Variants in GPR37 observed in about 807,000 individuals in gnomAD.
GPR37 encodes prosaposin receptor GPR37.
Under a neutral mutation model 43.6 loss-of-function variants are expected in GPR37, and 20 were observed. The observed-to-expected ratio is 0.46, with a 90% CI of 0.32 to 0.67. GPR37 has a LOEUF of 0.67. Among genes scored for constraint, GPR37 ranks in the 30% least tolerant of loss-of-function variants. The pLI, the probability that GPR37 is intolerant of heterozygous loss-of-function variation, is 0.03. For missense variants in GPR37, 724 were observed against 797.2 expected, an observed-to-expected ratio of 0.91 and a Z score of 1.11; for synonymous variants, 315 against 322.6, an observed-to-expected ratio of 0.98 and a Z score of 0.25.
At chr7:124,750,478 T>C (rs569818881) in intron 1 of GPR37, among the ~76,000 whole-genome samples, 27 of 152,254 alleles carry the variant, frequency 1.8e-4, no homozygotes, top group African/African-American at 5.8e-4. Flanking sequence ...GGAGAGGCAA[T>C]CTTTTAGAGG....
At chr7:124,756,406 A>G (rs1366682893) in intron 1 of GPR37, among the ~76,000 whole-genome samples, 1 of 152,154 alleles carries the variant, frequency 6.6e-6, no homozygotes, top group Non-Finnish European at 1.5e-5. Flanking sequence ...TCACAAATGG[A>G]AAGTATTCTG....
At chr7:124,756,325 C>G (rs1793790034) in intron 1 of GPR37, among the ~76,000 whole-genome samples, 1 of 152,108 alleles carries the variant, frequency 6.6e-6, no homozygotes. Flanking sequence ...AATCAATGAC[C>G]TTGGCCTCAT....
chr7:124,761,202 C>G (rs1793847388), intron 1 of GPR37, among the ~76,000 whole-genome samples: 1 of 150,842 alleles, frequency 6.6e-6, no homozygotes, highest in Admixed American at 6.6e-5. Context: ...CTGTGGTTTT[C>G]CACCCAGACA....
intron 1 of GPR37, among the ~76,000 whole-genome samples, chr7:124,755,531 T>G (rs1201591172): frequency 6.7e-6 from 1 of 149,238 alleles, no homozygotes; most frequent in East Asian, 1.9e-4. Flanking sequence ...TTGTTACCAA[T>G]TATGATGTCT....
Position 124,744,317 on chromosome 7 carries a change from A to C in GPR37, c.*2208T>G, listed in dbSNP as rs1391040402. On this transcript the variant is annotated 3_prime_UTR_variant, in exon 2 of 2. Coordinates refer to ENST00000303921, the MANE Select transcript of GPR37 (RefSeq NM_005302.5). ...TCAAAAACCTTAAAAGCAAAGCCCC[A>C]TTTCCTGAAGCACCACCATGTAAAC... is the stretch of plus-strand genomic sequence containing the variant. 2 of 152,106 alleles carry C rather than the reference A, an allele frequency of 1.3e-5. No homozygotes were observed. Among genetic ancestry groups the C allele is most frequent in the Non-Finnish European group, 2.9e-5 (2 of 68,030 alleles). The allele number at this position is 152,106 out of a possible 1,614,324, so 9.4% of individuals were successfully genotyped here.
In GPR37 at chr7:124,746,596, G is replaced by A; in HGVS notation, c.1771C>T (p.Leu591Phe). The A allele has an allele frequency of 6.2e-7, 1 of 1,613,900 alleles. No individual in the cohort carries two copies. Among genetic ancestry groups the A allele is most frequent in the African/African-American group, 1.3e-5 (1 of 75,028 alleles). ...DDNDNEYTTE[L>F]ELSPFSTIRR... ...ATGGTACTGAAAGGCGAGAGTTCGA[G>A]TTCCGTGGTGTACTCGTTGTCATTG... is the stretch of plus-strand genomic sequence containing the variant. Residue 591 changes from leucine to phenylalanine, a missense_variant, in exon 2 of 2, where the codon CTC (leucine) becomes TTC (phenylalanine). By Grantham distance (22) the Leu-to-Phe change is conservative. Coordinates refer to ENST00000303921, the MANE Select transcript of GPR37 (RefSeq NM_005302.5).
In GPR37 at chr7:124,764,266, C is replaced by T. The variant is rs765530933; in HGVS notation, c.711G>A (p.Arg237=). The part of the protein sequence containing the change: ...EGIHEPGGPR[R]GNSTNRRVRL... ...TCACACGCCGGTTCGTGCTGTTTCCCCGGCGGGGACCCCCAGGCTCATGGA... is the reference window on the plus strand; with the variant it reads ...TCACACGCCGGTTCGTGCTGTTTCCTCGGCGGGGACCCCCAGGCTCATGGA... The change falls in exon 1 of 2, where the codon CGG becomes CGA. Residue 237 remains arginine (R), a synonymous_variant. Coordinates refer to ENST00000303921, the MANE Select transcript of GPR37 (RefSeq NM_005302.5). The surrounding 1 kb of genome is among the most constrained non-coding windows in gnomAD (Gnocchi z 5.4). The T allele has an allele frequency of 2.0e-5, 32 of 1,598,442 alleles. No homozygotes were observed. In the South Asian group the frequency reaches 3.5e-4, roughly 18 times the overall value.
intron 1 of GPR37, among the ~76,000 whole-genome samples, chr7:124,749,560 G>C (rs575492762): frequency 1.4e-4 from 22 of 152,066 alleles, no homozygotes; most frequent in Non-Finnish European, 2.4e-4. Flanking sequence ...ACTCTCCCCA[G>C]AGCTACGGCA....
Position 124,755,013 on chromosome 7 carries a change from C to T in GPR37, c.1024-7670G>A, listed in dbSNP as rs565570507. 3.6e-3 allele frequency among the ~76,000 whole-genome samples: 477 copies of T among 132,028 alleles called. 2 individuals are homozygous for T. Among genetic ancestry groups the T allele is most frequent in the African/African-American group, 0.012 (450 of 38,652 alleles). The allele number at this position is 132,028 out of a possible 152,430, so 86.6% of individuals were successfully genotyped here. Reference sequence around the variant, plus strand: ...CTGCTCTGAATAAGATGACCTTTTGCAAAAGGTCTTAATTTTGGAGTGTAT... The same window carrying T: ...CTGCTCTGAATAAGATGACCTTTTGTAAAAGGTCTTAATTTTGGAGTGTAT... On this transcript the variant is annotated intron_variant, in intron 1 of 1. Coordinates refer to ENST00000303921, the MANE Select transcript of GPR37 (RefSeq NM_005302.5).
rs977001631 is a variant in GPR37, at chr7:124,746,450, G to A, written c.*75C>T. On this transcript the variant is annotated 3_prime_UTR_variant, in exon 2 of 2. Transcript: ENST00000303921. ...TCTTTTTTGCATTTTTCCCTATAAGGAAAAATATGAATTAAAAACTTTCAC... is the reference window on the plus strand; with the variant it reads ...TCTTTTTTGCATTTTTCCCTATAAGAAAAAATATGAATTAAAAACTTTCAC... 8.9e-7 allele frequency: 1 copy of A among 1,129,606 alleles called. No homozygotes were observed. The highest frequency in any genetic ancestry group is 1.6e-5 in the African/African-American group (1 of 63,980). 70.0% of individuals were successfully genotyped at this position (1,129,606 alleles called of 1,614,324 possible).
intron 1 of GPR37, among the ~76,000 whole-genome samples, chr7:124,759,933 A>G (rs1793833337): frequency 6.6e-6 from 1 of 152,152 alleles, no homozygotes; most frequent in South Asian, 2.1e-4. Context: ...TCTTCCCCAA[A>G]ATCCCACGAT....
chr7:124,759,042 A>G (rs1158281866), intron 1 of GPR37, among the ~76,000 whole-genome samples: 1 of 151,482 alleles, frequency 6.6e-6, no homozygotes, highest in African/African-American at 2.4e-5. Context: ...TCCAGTTGCC[A>G]TATTTGATGT....
chr7:124,764,428 T>C lies in GPR37; in HGVS notation c.549A>G (p.Pro183=). 6.2e-7 allele frequency: 1 copy of C among 1,613,660 alleles called. No homozygotes were observed. The highest frequency in any genetic ancestry group is 8.5e-7 in the Non-Finnish European group (1 of 1,180,028). Residue 183 remains proline (P), a synonymous_variant, in exon 1 of 2, where the codon CCA becomes CCG. Transcript: ENST00000303921. This position sits in a 1 kb window ranked among gnomAD's most constrained non-coding sequence, Gnocchi z 5.4. The part of the protein sequence containing the change: ...VPGASDLFYW[P]RRAGKLQGSH... ...AACCCTGGAGTTTCCCGGCTCTCCT[T>C]GGCCAGTAAAAAAGATCGCTGGCTC...
Position 124,746,445 on chromosome 7 carries a change from A to G in GPR37, c.*80T>C, listed in dbSNP as rs1203071083. On this transcript the variant is annotated 3_prime_UTR_variant, in exon 2 of 2. Coordinates refer to ENST00000303921, the MANE Select transcript of GPR37 (RefSeq NM_005302.5). ...TTGTTTCTTTTTTGCATTTTTCCCTATAAGGAAAAATATGAATTAAAAACT... is the reference window on the plus strand; with the variant it reads ...TTGTTTCTTTTTTGCATTTTTCCCTGTAAGGAAAAATATGAATTAAAAACT... 2 of 1,050,728 alleles carry G rather than the reference A, an allele frequency of 1.9e-6. No individual in the cohort carries two copies. Among genetic ancestry groups the G allele is most frequent in the South Asian group, 2.0e-5 (1 of 49,902 alleles). 65.1% of individuals were successfully genotyped at this position (1,050,728 alleles called of 1,614,324 possible).
chr7:124,751,852 C>T (rs1335507846), intron 1 of GPR37, among the ~76,000 whole-genome samples: 1 of 152,048 alleles, frequency 6.6e-6, no homozygotes, highest in Non-Finnish European at 1.5e-5. Context: ...ATTAATTAAA[C>T]TGCAATGGGA....
Position 124,765,497 on chromosome 7 carries a change from G to A in GPR37, c.-521C>T, listed in dbSNP as rs556512837. The A allele has an allele frequency of 1.3e-5, 2 of 153,076 alleles. No individual in the cohort carries two copies. The highest frequency in any genetic ancestry group is 2.1e-4 in the South Asian group (1 of 4,838). The allele number at this position is 153,076 out of a possible 1,614,324, so 9.5% of individuals were successfully genotyped here. ...CCAGACGACTCGCAGTCACAACCCC[G>A]CTCCCAGCTCGCTGGAAACACGTTG... On this transcript the variant is annotated 5_prime_UTR_variant, in exon 1 of 2. Coordinates refer to ENST00000303921, the MANE Select transcript of GPR37 (RefSeq NM_005302.5).
At chr7:124,758,491 A>G (rs1793815490) in intron 1 of GPR37, among the ~76,000 whole-genome samples, 1 of 152,200 alleles carries the variant, frequency 6.6e-6, no homozygotes. Flanking sequence ...AAAATTTACC[A>G]TATGCCATGA....
At chr7:124,754,600 A>G (rs1793771532) in intron 1 of GPR37, among the ~76,000 whole-genome samples, 1 of 152,144 alleles carries the variant, frequency 6.6e-6, no homozygotes, top group Non-Finnish European at 1.5e-5. Flanking sequence ...GTTTTTATAA[A>G]ATAGGAAAAT....
chr7:124,750,052 T>C (rs1793714696), intron 1 of GPR37, among the ~76,000 whole-genome samples: 6 of 152,146 alleles, frequency 3.9e-5, no homozygotes, highest in Admixed American at 3.9e-4. Context: ...TGTACAACTG[T>C]CTTATGATCA....
Sources: allele counts gnomAD v4.1 joint callset (sites outside exome capture counted in the v4.1 genomes callset), GRCh38; gene constraint gnomAD v4.1.1; non-coding constraint Gnocchi (gnomAD v3.1); transcripts MANE v1.5; gene names NCBI Gene and HGNC (gene_info 2026-07-23, HGNC 2026-07-21).